SUFU: variants seen among roughly 807,000 people sequenced by gnomAD.
The protein encoded by SUFU is SUFU negative regulator of hedgehog signaling.
In SUFU, 7 loss-of-function variants were observed where a neutral mutation model predicts 58.9. That is an observed-to-expected ratio of 0.12 (90% CI 0.07 to 0.22). The LOEUF (loss-of-function observed/expected upper bound fraction) is 0.22, where lower values mean the gene tolerates loss of function less well. Ranked by LOEUF, SUFU falls within the 10% of genes least tolerant of loss-of-function variation. SUFU has a pLI of 1.00. For synonymous variants in SUFU, 232 were observed against 254.8 expected (o/e 0.91, Z 0.85); for missense variants, 451 against 641.3 (o/e 0.70, Z 3.20).
Position 102,593,689 on chromosome 10 carries a change from G to A in SUFU, c.651G>A (p.Gln217=). The A allele has an allele frequency of 6.2e-7, 1 of 1,614,228 alleles. No homozygotes were observed. Among genetic ancestry groups the A allele is most frequent in the Non-Finnish European group, 8.5e-7 (1 of 1,180,034 alleles). ...ELHSAQQWNG[Q]GILELLRTVP... ...ACTCAGCCCAGCAGTGGAACGGGCAGGGCATCCTGGAGCTGCTGCGGACAG... is the reference window on the plus strand; with the variant it reads ...ACTCAGCCCAGCAGTGGAACGGGCAAGGCATCCTGGAGCTGCTGCGGACAG... Residue 217 remains glutamine (Q), a synonymous_variant, in exon 5 of 12, where the codon CAG becomes CAA. Transcript: ENST00000369902.
In SUFU at chr10:102,619,419, G is replaced by A. The variant is rs2063721079; in HGVS notation, c.1296+1991G>A. On this transcript the variant is annotated intron_variant, in intron 10 of 11. Coordinates refer to ENST00000369902, the MANE Select transcript of SUFU (RefSeq NM_016169.4). The surrounding 1 kb of genome is among the most constrained non-coding windows in gnomAD (Gnocchi z 4.2). Reference sequence around the variant, plus strand: ...GGGGCGCGGTGGGAACGAGCTGCTGGCCTCGGCATGTTTCAATAAAGTTGC... The same window carrying A: ...GGGGCGCGGTGGGAACGAGCTGCTGACCTCGGCATGTTTCAATAAAGTTGC... 3.0e-6 allele frequency: 4 copies of A among 1,345,818 alleles called. No individual in the cohort carries two copies. The highest frequency in any genetic ancestry group is 3.8e-6 in the Non-Finnish European group (4 of 1,044,110). 83.4% of individuals were successfully genotyped at this position (1,345,818 alleles called of 1,614,324 possible). A position where few individuals can be genotyped will look rare whatever the true frequency, so the allele number is the denominator to read the frequency against.
chr10:102,592,761 G>T, intron 4 of SUFU, 37 bp downstream of exon 4: 1 of 1,611,828 alleles, frequency 6.2e-7, no homozygotes, highest in South Asian at 1.1e-5. Context: ...AAGCCTTCCT[G>T]TGGGAAGGGT....
intron 1 of SUFU, among the ~76,000 whole-genome samples, chr10:102,506,801 C>G (rs1226360096): frequency 3.3e-5 from 5 of 152,198 alleles, no homozygotes; most frequent in African/African-American, 1.2e-4. Context: ...CCCAGGCTGT[C>G]TGGGTCTGTC....
intron 2 of SUFU, among the ~76,000 whole-genome samples, chr10:102,519,302 A>G (rs1346790706): frequency 4.6e-5 from 7 of 151,922 alleles, no homozygotes; most frequent in African/African-American, 4.8e-5. Context: ...AGGCAGGTGG[A>G]TCACCTGAGG....
At chr10:102,532,499 CG>C (rs1173916665) in intron 2 of SUFU, among the ~76,000 whole-genome samples, 1 of 152,186 alleles carries the variant, frequency 6.6e-6, no homozygotes. Context: ...GAGTGTCAGG[CG>C]GGCTGCATCC....
chr10:102,525,192 C>G (rs1050413935), intron 2 of SUFU, among the ~76,000 whole-genome samples: 1 of 151,946 alleles, frequency 6.6e-6, no homozygotes, highest in East Asian at 1.9e-4. Context: ...CTCACTGCAA[C>G]CTCCACCTCC....
intron 2 of SUFU, among the ~76,000 whole-genome samples, chr10:102,518,746 C>T (rs2062506872): frequency 2.6e-5 from 4 of 151,838 alleles, no homozygotes; most frequent in Admixed American, 2.6e-4. Context: ...TGGGTTTTGC[C>T]ATGTTGCCCA....
chr10:102,557,985 C>G (rs1276952994), intron 3 of SUFU, among the ~76,000 whole-genome samples: 3 of 151,874 alleles, frequency 2.0e-5, no homozygotes, highest in Non-Finnish European at 4.4e-5. Context: ...ACTGCACCTC[C>G]GCCTCCTGAG....
chr10:102,631,638 C>G lies in SUFU; in HGVS notation c.*1483C>G, dbSNP rs1297200257. The G allele has an allele frequency of 4.3e-6, 1 of 233,286 alleles. No homozygotes were observed. Among genetic ancestry groups the G allele is most frequent in the African/African-American group, 2.2e-5 (1 of 45,218 alleles). 14.5% of individuals were successfully genotyped at this position (233,286 alleles called of 1,614,324 possible). On this transcript the variant is annotated 3_prime_UTR_variant, in exon 12 of 12. Transcript: ENST00000369902. Reference sequence around the variant, plus strand: ...GCACACACAGGCACCAGCAGGGATGCCACAGGAGTGCCCACAGGGTGCAGG... The same window carrying G: ...GCACACACAGGCACCAGCAGGGATGGCACAGGAGTGCCCACAGGGTGCAGG...
Position 102,630,896 on chromosome 10 carries a change from G to C in SUFU, c.*741G>C. 2 of 235,614 alleles carry C rather than the reference G, an allele frequency of 8.5e-6. No individual in the cohort carries two copies. The highest frequency in any genetic ancestry group is 1.7e-5 in the Non-Finnish European group (2 of 119,728). 14.6% of individuals were successfully genotyped at this position (235,614 alleles called of 1,614,324 possible). A position where few individuals can be genotyped will look rare whatever the true frequency, so the allele number is the denominator to read the frequency against. ...GAGGCTTTTCTTCCCAGCTGGGCCT[G>C]GTGGAGCCCGGGGCAGGGGGAGAGT... On this transcript the variant is annotated 3_prime_UTR_variant, in exon 12 of 12. Transcript: ENST00000369902.
At chr10:102,568,822 C>T (rs1463965017) in intron 3 of SUFU, among the ~76,000 whole-genome samples, 2 of 133,632 alleles carry the variant, frequency 1.5e-5, no homozygotes, top group African/African-American at 2.9e-5. Context: ...TGCAGTGAGC[C>T]AAGATTGCAC....
chr10:102,562,581 A>T (rs1449508012), intron 3 of SUFU, among the ~76,000 whole-genome samples: 1 of 151,804 alleles, frequency 6.6e-6, no homozygotes, highest in Admixed American at 6.6e-5. Context: ...TCTATAGTTA[A>T]AAGTAAGTAA....
chr10:102,577,567 G>A (rs866733739), intron 3 of SUFU, among the ~76,000 whole-genome samples: 2 of 152,152 alleles, frequency 1.3e-5, no homozygotes, highest in South Asian at 2.1e-4. Flanking sequence ...TCAAACTCCT[G>A]TGCTCAAGTG....
At chr10:102,513,472 T>A (rs2062426289) in intron 2 of SUFU, among the ~76,000 whole-genome samples, 1 of 152,232 alleles carries the variant, frequency 6.6e-6, no homozygotes, top group Admixed American at 6.5e-5. Context: ...ATAGATGTCT[T>A]GGGGGATAAA....
intron 2 of SUFU, among the ~76,000 whole-genome samples, chr10:102,517,465 G>T (rs1261586681): frequency 6.6e-6 from 1 of 152,120 alleles, no homozygotes; most frequent in Non-Finnish European, 1.5e-5. Flanking sequence ...TCAGTCCCGG[G>T]ATTTTTCCCT....
intron 2 of SUFU, among the ~76,000 whole-genome samples, chr10:102,513,310 C>T (rs372444394): frequency 3.1e-4 from 47 of 152,272 alleles, no homozygotes; most frequent in African/African-American, 1.1e-3. Flanking sequence ...TGCTAAGGGG[C>T]GCTGGGTTGG....
chr10:102,630,128 C>G lies in SUFU; in HGVS notation c.1428C>G (p.Asp476Glu). Residue 476 changes from aspartate (D) to glutamate (E), a missense_variant, in exon 12 of 12, where the codon GAC becomes GAG. Transcript: ENST00000369902. ...EKKLKVSILP[D>E]VVFDSPLH is the part of the protein sequence containing the mutation. ...AGCTGAAGGTCTCCATCCTGCCTGA[C>G]GTGGTGTTCGACAGTCCGCTACACT... 1 of 1,614,184 alleles carries G rather than the reference C, an allele frequency of 6.2e-7. No homozygotes were observed. The highest frequency in any genetic ancestry group is 1.1e-5 in the South Asian group (1 of 91,088).
At chr10:102,527,054 T>C (rs1589993197) in intron 2 of SUFU, among the ~76,000 whole-genome samples, 1 of 145,714 alleles carries the variant, frequency 6.9e-6, no homozygotes, top group East Asian at 2.0e-4. Context: ...TGGAGTGCAG[T>C]GGCAGTGGTG....
intron 3 of SUFU, chr10:102,573,084 G>A (rs547332189): frequency 1.5e-5 from 12 of 781,976 alleles, no homozygotes; most frequent in South Asian, 5.3e-5. Context: ...GTCTTGGGCC[G>A]CTGGAAGGTA....
Sources: gnomAD v4.1 joint callset for allele counts (sites outside exome capture counted in the v4.1 genomes callset) on GRCh38, gnomAD v4.1.1 for gene constraint, Gnocchi (gnomAD v3.1) non-coding constraint, MANE v1.5 for transcripts, NCBI Gene and HGNC (gene_info 2026-07-23, HGNC 2026-07-21) for gene names.